APOBEC4: variants seen among roughly 807,000 people sequenced by gnomAD.
APOBEC4 encodes the protein apolipoprotein B mRNA editing enzyme catalytic polypeptide like 4.
For synonymous variants in APOBEC4, 141 were observed against 154.2 expected, an observed-to-expected ratio of 0.91 and a Z score of 0.63; for missense variants, 375 against 441.2, an observed-to-expected ratio of 0.85 and a Z score of 1.34.
At position 183,648,761 on chromosome 1, in the gene APOBEC4, C is replaced by T. The variant is rs1290043728; in HGVS notation, c.21G>A (p.Glu7=). 1.2e-6 allele frequency: 2 copies of T among 1,608,784 alleles called. No homozygotes were observed. The highest frequency in any genetic ancestry group is 1.3e-5 in the African/African-American group (1 of 74,736). ...CTATTGTTCCATGATTTGCTAGGTA[C>T]TCCTCATATATGGGCTCCATTGCTA... MEPIYE[E]YLANHGTIVK... is the part of the protein sequence containing the mutation. Residue 7 remains glutamate, a synonymous_variant, in exon 2 of 2, where the codon GAG becomes GAA. Transcript: ENST00000308641.
In APOBEC4 at chr1:183,647,864, C is replaced by T. The variant is rs748329677; in HGVS notation, c.918G>A (p.Met306Ile). 4.3e-6 allele frequency: 7 copies of T among 1,614,112 alleles called. No homozygotes were observed. Among genetic ancestry groups the T allele is most frequent in the Non-Finnish European group, 5.1e-6 (6 of 1,180,022 alleles). Reference protein sequence around the residue: ...VPLRDLPPMHMGQNPNKPRNI... With the variant: ...VPLRDLPPMHIGQNPNKPRNI... ...TCCTGGGTTTATTTGGGTTTTGGCC[C>T]ATATGCATTGGTGGTAAGTCCCTGA... Residue 306 changes from methionine to isoleucine, a missense_variant, in exon 2 of 2, where the codon ATG becomes ATA. Coordinates refer to ENST00000308641, the MANE Select transcript of APOBEC4 (RefSeq NM_203454.3).
At chr1:183,651,217 C>T (rs1464496648) in intron 1 of APOBEC4, among the ~76,000 whole-genome samples, 1 of 152,042 alleles carries the variant, frequency 6.6e-6, no homozygotes, top group Non-Finnish European at 1.5e-5. Flanking sequence ...ATATTTTCTT[C>T]TAGTATTTAT....
Position 183,648,545 on chromosome 1 carries a change from C to T in APOBEC4, c.237G>A (p.Val79=), listed in dbSNP as rs1650484298. ...TGCAACTGCTAGCATGGCCCTTTTG[C>T]ACCAGGCTACCAGAAGAAGTTTTTA... ...YELKTSSGSL[V]QKGHASSCTG... Residue 79 remains valine, a synonymous_variant, in exon 2 of 2, where the codon GTG becomes GTA. Coordinates refer to ENST00000308641, the MANE Select transcript of APOBEC4 (RefSeq NM_203454.3). 8 of 1,614,172 alleles carry T rather than the reference C, an allele frequency of 5.0e-6. 1 individual carries two copies. The highest frequency in any genetic ancestry group is 2.2e-5 in the East Asian group (1 of 44,888).
At chr1:183,652,699 A>C (rs1299467974) in intron 1 of APOBEC4, among the ~76,000 whole-genome samples, 3 of 152,212 alleles carry the variant, frequency 2.0e-5, no homozygotes, top group Non-Finnish European at 4.4e-5. Flanking sequence ...TTTCCCCAGC[A>C]GCTGGTGTCC....
intron 1 of APOBEC4, 95 bp from the exon 2 acceptor site, chr1:183,648,906 A>AT: frequency 1.3e-6 from 1 of 749,350 alleles, no homozygotes; most frequent in Non-Finnish European, 2.1e-6. Context: ...TAAAGGAAGT[A>AT]GCACAATAAA....
chr1:183,652,583 A>G (rs897928188), intron 1 of APOBEC4, among the ~76,000 whole-genome samples: 7 of 150,432 alleles, frequency 4.7e-5, no homozygotes, highest in African/African-American at 1.5e-4. Context: ...AACTTTTGGT[A>G]TCTGTCATTT....
rs1418998987 is a variant in APOBEC4 at position 183,647,084 on chromosome 1, G to A, written c.*594C>T. 2 of 152,314 alleles carry A rather than the reference G, an allele frequency of 1.3e-5. No individual in the cohort carries two copies. Among genetic ancestry groups the A allele is most frequent in the Admixed American group, 6.5e-5 (1 of 15,292 alleles). 9.4% of individuals were successfully genotyped at this position (152,314 alleles called of 1,614,324 possible). On this transcript the variant is annotated 3_prime_UTR_variant, in exon 2 of 2. Transcript: ENST00000308641. ...TCAGAAGGGAGAGGTCTGAGCTGGG[G>A]AAGATCAAACTGAGCAGGTGGCTAG...
Position 183,647,822 on chromosome 1 carries a change from T to G in APOBEC4, c.960A>C (p.Leu320Phe), listed in dbSNP as rs762734558. The G allele has an allele frequency of 6.2e-7, 1 of 1,614,240 alleles. No homozygotes were observed. Among genetic ancestry groups the G allele is most frequent in the Non-Finnish European group, 8.5e-7 (1 of 1,180,048 alleles). ...CCTGGAATGACATTTGAGGCATATT[T>G]AAGTGCCTTACGATATTCCTGGGTT... ...PNKPRNIVRH[L>F]NMPQMSFQET... The change falls in exon 2 of 2, where the codon TTA becomes TTC. Residue 320 changes from leucine to phenylalanine, a missense_variant. Physicochemically the swap from Leu to Phe is conservative, Grantham distance 22. Coordinates refer to ENST00000308641, the MANE Select transcript of APOBEC4 (RefSeq NM_203454.3).
chr1:183,647,697 T>A lies in APOBEC4; in HGVS notation c.1085A>T (p.Lys362Met). 1.2e-6 allele frequency: 2 copies of A among 1,600,676 alleles called. No homozygotes were observed. Among genetic ancestry groups the A allele is most frequent in the East Asian group, 4.5e-5 (2 of 44,566 alleles). ...ASSKEADEKK[K>M]KKGKK ...TAGATTTTATTTCTTCCCTTTCTTC[T>A]TCTTCTTTTCATCTGCCTCCTTGCT... The change falls in exon 2 of 2, where the codon AAG becomes ATG. Residue 362 changes from lysine to methionine, a missense_variant. Transcript: ENST00000308641.
chr1:183,647,228 A>C lies in APOBEC4; in HGVS notation c.*450T>G, dbSNP rs1372404673. Reference sequence around the variant, plus strand: ...AATCTTCTGTCCATGATTAACAATTAATAGAAAATCACTGGTTTGCTCCTG... The same window carrying C: ...AATCTTCTGTCCATGATTAACAATTCATAGAAAATCACTGGTTTGCTCCTG... On this transcript the variant is annotated 3_prime_UTR_variant, in exon 2 of 2. Transcript: ENST00000308641. The C allele has an allele frequency of 1.9e-5, 3 of 153,946 alleles. No homozygotes were observed. The highest frequency in any genetic ancestry group is 4.3e-5 in the Non-Finnish European group (3 of 69,200). The allele number at this position is 153,946 out of a possible 1,614,324, so 9.5% of individuals were successfully genotyped here.
intron 1 of APOBEC4, 81 bp from the exon 2 acceptor site, chr1:183,648,892 T>C: frequency 2.4e-6 from 2 of 850,800 alleles, no homozygotes; most frequent in Non-Finnish European, 3.6e-6. Context: ...AACCATACTT[T>C]CTTTAAAGGA....
At position 183,647,826 on chromosome 1, in the gene APOBEC4, T is replaced by A. The variant is rs1211052214; in HGVS notation, c.956A>T (p.His319Leu). The A allele has an allele frequency of 6.2e-7, 1 of 1,614,082 alleles. No individual in the cohort carries two copies. The highest frequency in any genetic ancestry group is 2.2e-5 in the East Asian group (1 of 44,896). ...NPNKPRNIVRHLNMPQMSFQE... is the reference protein window; with the variant it reads ...NPNKPRNIVRLLNMPQMSFQE... ...GAATGACATTTGAGGCATATTTAAG[T>A]GCCTTACGATATTCCTGGGTTTATT... The change falls in exon 2 of 2, where the codon CAC becomes CTC. Residue 319 changes from histidine (H) to leucine (L), a missense_variant. His to Leu is a moderately conservative substitution (Grantham distance 99, BLOSUM62 -3). Transcript: ENST00000308641.
At chr1:183,652,926 A>G (rs1254555890) in intron 1 of APOBEC4, 146 bp downstream of exon 1, 1 of 152,218 alleles carries the variant, frequency 6.6e-6, no homozygotes, top group Non-Finnish European at 1.5e-5. Context: ...CATAAGGACA[A>G]TCTGCTCTCA....
At position 183,646,357 on chromosome 1, in the gene APOBEC4, C is replaced by T. The variant is rs1371379714; in HGVS notation, c.*1321G>A. The T allele has an allele frequency of 2.0e-5, 3 of 152,000 alleles. No individual in the cohort carries two copies. Among genetic ancestry groups the T allele is most frequent in the Non-Finnish European group, 2.9e-5 (2 of 68,014 alleles). 9.4% of individuals were successfully genotyped at this position (152,000 alleles called of 1,614,324 possible). A position where few individuals can be genotyped will look rare whatever the true frequency, so the allele number is the denominator to read the frequency against. On this transcript the variant is annotated 3_prime_UTR_variant, in exon 2 of 2. Transcript: ENST00000308641. ...AAAATATGTTTTTCTTTCTCCTCCT[C>T]CCTTATGGAGTATTAAATGTTTTAA...
In APOBEC4 at chr1:183,648,646, T is replaced by C; in HGVS notation, c.136A>G (p.Thr46Ala). 1 of 1,614,238 alleles carries C rather than the reference T, an allele frequency of 6.2e-7. No individual in the cohort carries two copies. The highest frequency in any genetic ancestry group is 8.5e-7 in the Non-Finnish European group (1 of 1,180,032). ...RTGEEARVSL[T>A]EFCQIFGFPY... ...AATCCAAAAATCTGACAAAATTCTG[T>C]GAGGGAAACTCTTGCTTCTTCACCT... The change falls in exon 2 of 2, where the codon ACA (threonine) becomes GCA (alanine). Residue 46 changes from threonine to alanine, a missense_variant. By Grantham distance (58) the Thr-to-Ala change is moderately conservative. Transcript: ENST00000308641.
At chr1:183,650,741 A>G (rs1650686359) in intron 1 of APOBEC4, among the ~76,000 whole-genome samples, 1 of 151,164 alleles carries the variant, frequency 6.6e-6, no homozygotes, top group African/African-American at 2.4e-5. Context: ...ATTACTAGAA[A>G]TCATAGTATT....
chr1:183,649,307 T>A (rs1272430611), intron 1 of APOBEC4, among the ~76,000 whole-genome samples: 1 of 152,248 alleles, frequency 6.6e-6, no homozygotes, highest in Non-Finnish European at 1.5e-5. Context: ...CTCTTAGTAG[T>A]AAAAGTACAA....
At position 183,647,867 on chromosome 1, in the gene APOBEC4, A is replaced by G. The variant is rs1393120665; in HGVS notation, c.915T>C (p.His305=). 2 of 1,614,120 alleles carry G rather than the reference A, an allele frequency of 1.2e-6. No homozygotes were observed. Among genetic ancestry groups the G allele is most frequent in the African/African-American group, 1.3e-5 (1 of 74,998 alleles). Residue 305 remains histidine (H), a synonymous_variant, in exon 2 of 2, where the codon CAT becomes CAC. Coordinates refer to ENST00000308641, the MANE Select transcript of APOBEC4 (RefSeq NM_203454.3). ...LVPLRDLPPM[H]MGQNPNKPRN... ...TGGGTTTATTTGGGTTTTGGCCCAT[A>G]TGCATTGGTGGTAAGTCCCTGAGAG...
At position 183,647,511 on chromosome 1, in the gene APOBEC4, A is replaced by G; in HGVS notation, c.*167T>C. 1 of 1,132,228 alleles carries G rather than the reference A, an allele frequency of 8.8e-7. No homozygotes were observed. Among genetic ancestry groups the G allele is most frequent in the Non-Finnish European group, 1.2e-6 (1 of 849,938 alleles). 70.1% of individuals were successfully genotyped at this position (1,132,228 alleles called of 1,614,324 possible). On this transcript the variant is annotated 3_prime_UTR_variant, in exon 2 of 2. Transcript: ENST00000308641. ...GGAAACATTTTGGATTATGTTTAAA[A>G]TAGTGTAACTTTATAATAGTTGATA...
Sources: gnomAD v4.1 joint callset for allele counts (sites outside exome capture counted in the v4.1 genomes callset) on GRCh38, gnomAD v4.1.1 for gene constraint, MANE v1.5 for transcripts, NCBI Gene and HGNC (gene_info 2026-07-23, HGNC 2026-07-21) for gene names.